Variants in RXRA observed in about 807,000 individuals in gnomAD.
RXRA encodes the protein retinoid X receptor alpha.
RXRA carries 5 observed loss-of-function variants against 44.5 expected under a neutral mutation model. That is an observed-to-expected ratio of 0.11 (90% CI 0.06 to 0.24). The LOEUF (loss-of-function observed/expected upper bound fraction) is 0.24. Ranked by LOEUF, RXRA falls within the 10% of genes least tolerant of loss-of-function variation. RXRA has a pLI of 1.00. For synonymous variants in RXRA, 291 were observed against 271.4 expected, an observed-to-expected ratio of 1.07 and a Z score of -0.71; for missense variants, 412 against 646.5, an observed-to-expected ratio of 0.64 and a Z score of 3.93.
At chr9:134,352,868 G>A (rs966218423) in intron 1 of RXRA, among the ~76,000 whole-genome samples, 1 of 152,194 alleles carries the variant, frequency 6.6e-6, no homozygotes, top group Non-Finnish European at 1.5e-5. Context: ...CAGGAGCCCT[G>A]GAGACATGGG....
intron 1 of RXRA, among the ~76,000 whole-genome samples, chr9:134,374,536 C>T (rs1012116570): frequency 2.6e-5 from 4 of 152,130 alleles, no homozygotes; most frequent in Non-Finnish European, 4.4e-5. Flanking sequence ...TTGAGGGAGG[C>T]CCCCGGGGCA....
chr9:134,436,754 C>T lies in RXRA; in HGVS notation c.*140C>T. Reference sequence around the variant, plus strand: ...TGGGGCACAGCCTGTCACTGCTCTGCCTAAGAGATGTGTTGTCACCCTCCT... The same window carrying T: ...TGGGGCACAGCCTGTCACTGCTCTGTCTAAGAGATGTGTTGTCACCCTCCT... On this transcript the variant is annotated 3_prime_UTR_variant, in exon 10 of 10. Transcript: ENST00000481739. The T allele has an allele frequency of 1.1e-6, 1 of 883,760 alleles. No homozygotes were observed. Among genetic ancestry groups the T allele is most frequent in the Non-Finnish European group, 1.7e-6 (1 of 580,958 alleles). 54.7% of individuals were successfully genotyped at this position (883,760 alleles called of 1,614,324 possible).
At chr9:134,357,468 G>T (rs1056583757) in intron 1 of RXRA, among the ~76,000 whole-genome samples, 2 of 152,150 alleles carry the variant, frequency 1.3e-5, no homozygotes, top group Non-Finnish European at 2.9e-5. Flanking sequence ...TGTGCAGGGG[G>T]TTGGGGGATG....
chr9:134,425,404 C>T lies in RXRA; in HGVS notation c.910+3599C>T, dbSNP rs994724818. The T allele has an allele frequency of 7.1e-6, 7 of 985,128 alleles. No individual in the cohort carries two copies. In the African/African-American group the frequency reaches 1.0e-4, roughly 15 times the overall value. 61.0% of individuals were successfully genotyped at this position (985,128 alleles called of 1,614,324 possible). ...AACTGAGACAGGGCCGGGTCGCTCA[C>T]AGCTTTCAGGTTTCTCCGTCCAACC... On this transcript the variant is annotated intron_variant, in intron 6 of 9. Transcript: ENST00000481739.
intron 1 of RXRA, among the ~76,000 whole-genome samples, chr9:134,353,432 A>G (rs559228240): frequency 3.2e-4 from 49 of 152,208 alleles, no homozygotes; most frequent in African/African-American, 1.2e-3. Flanking sequence ...ATGCATGTAC[A>G]CCGCACGTGT....
chr9:134,355,641 C>T (rs1387837724), intron 1 of RXRA, among the ~76,000 whole-genome samples: 20 of 152,172 alleles, frequency 1.3e-4, no homozygotes, highest in African/African-American at 4.8e-4. Context: ...AAGCTGCCCT[C>T]TGCAGCCAGG....
At chr9:134,360,406 T>A (rs1169344596) in intron 1 of RXRA, among the ~76,000 whole-genome samples, 1 of 152,184 alleles carries the variant, frequency 6.6e-6, no homozygotes, top group Non-Finnish European at 1.5e-5. Context: ...CCTGGAGTTC[T>A]GGGTTCGAGC....
At chr9:134,363,540 G>T (rs1049955556) in intron 1 of RXRA, among the ~76,000 whole-genome samples, 3 of 152,252 alleles carry the variant, frequency 2.0e-5, no homozygotes. Flanking sequence ...GTTTGCTTCT[G>T]TCCTGTTTCT....
intron 2 of RXRA, among the ~76,000 whole-genome samples, chr9:134,406,811 G>C (rs1278873905): frequency 6.6e-6 from 1 of 152,266 alleles, no homozygotes; most frequent in Non-Finnish European, 1.5e-5. Flanking sequence ...CCCATGCAGG[G>C]AGTGTCAAGT....
intron 2 of RXRA, 126 bp from the exon 3 acceptor site, chr9:134,408,023 T>C: frequency 3.0e-6 from 2 of 658,694 alleles, no homozygotes; most frequent in Non-Finnish European, 5.0e-6. Flanking sequence ...GGCACGGCCC[T>C]CTCTAGCCTC....
chr9:134,416,001 T>G (rs1328139123), intron 4 of RXRA, among the ~76,000 whole-genome samples: 1 of 151,954 alleles, frequency 6.6e-6, no homozygotes, highest in East Asian at 1.9e-4. Flanking sequence ...GTGTTGGGGT[T>G]GTTGGGTGGT....
rs140949428 is a variant in RXRA at position 134,356,937 on chromosome 9, G to A, written c.28+30278G>A. Among the ~76,000 whole-genome samples the A allele has an allele frequency of 8.9e-3, 1,350 of 152,312 alleles. 8 individuals are homozygous for A. The highest frequency in any genetic ancestry group is 0.015 in the Non-Finnish European group (999 of 68,002). On this transcript the variant is annotated intron_variant, in intron 1 of 9. Transcript: ENST00000481739. Reference sequence around the variant, plus strand: ...CCCTGCCTGTCTCCCAGCCTCAGCAGCCCTGGAGGTGGCCCAAGGCCCATG... The same window carrying A: ...CCCTGCCTGTCTCCCAGCCTCAGCAACCCTGGAGGTGGCCCAAGGCCCATG...
chr9:134,424,894 C>T lies in RXRA; in HGVS notation c.910+3089C>T, dbSNP rs533925178. On this transcript the variant is annotated intron_variant, in intron 6 of 9. Transcript: ENST00000481739. ...GGAGGCAGTGGCAGAGGTGAGGCCC[C>T]GCCCAGCTCCGGCAGGTGCCAGGGC... 157 of 985,360 alleles carry T rather than the reference C, an allele frequency of 1.6e-4. 3 individuals are homozygous for T. In the South Asian group the frequency reaches 4.8e-3, roughly 30 times the overall value. The allele number at this position is 985,360 out of a possible 1,614,324, so 61.0% of individuals were successfully genotyped here.
chr9:134,388,196 T>C (rs566011525), intron 1 of RXRA, among the ~76,000 whole-genome samples: 1 of 152,088 alleles, frequency 6.6e-6, no homozygotes, highest in Admixed American at 6.5e-5. Context: ...GCTGTTAGAC[T>C]GTGCACTTCC....
chr9:134,346,337 G>A (rs1239981714), intron 1 of RXRA, among the ~76,000 whole-genome samples: 1 of 152,136 alleles, frequency 6.6e-6, no homozygotes, highest in Non-Finnish European at 1.5e-5. Flanking sequence ...CTTTGCACTT[G>A]CTGTCCCCTC....
At chr9:134,435,070 C>T (rs1362524889) in intron 9 of RXRA, among the ~76,000 whole-genome samples, 1 of 152,244 alleles carries the variant, frequency 6.6e-6, no homozygotes. Context: ...CCCATCTCGC[C>T]AGCTCAGCAG....
At position 134,436,684 on chromosome 9, in the gene RXRA, C is replaced by G; in HGVS notation, c.*70C>G. 1 of 1,578,184 alleles carries G rather than the reference C, an allele frequency of 6.3e-7. No homozygotes were observed. Among genetic ancestry groups the G allele is most frequent in the Non-Finnish European group, 8.7e-7 (1 of 1,154,976 alleles). On this transcript the variant is annotated 3_prime_UTR_variant, in exon 10 of 10. Coordinates refer to ENST00000481739, the MANE Select transcript of RXRA (RefSeq NM_002957.6). ...CCTGGACGCCAGCTGTTCTTCTCAG[C>G]CTGAGCCCTGTCCCTGCCCTTCTCT...
At chr9:134,357,227 C>T (rs372415495) in intron 1 of RXRA, among the ~76,000 whole-genome samples, 42 of 152,204 alleles carry the variant, frequency 2.8e-4, no homozygotes, top group African/African-American at 8.4e-4. Flanking sequence ...AGGTTTGGCT[C>T]CTGCCCCGGG....
At position 134,342,645 on chromosome 9, in the gene RXRA, C is replaced by T. The variant is rs1400059019; in HGVS notation, c.28+15986C>T. On this transcript the variant is annotated intron_variant, in intron 1 of 9. Transcript: ENST00000481739. The surrounding 1 kb of genome is among the most constrained non-coding windows in gnomAD (Gnocchi z 4.4). The stretch of plus-strand genomic sequence containing the variant: ...GGCAGGTGGTGGGGCTGCGGGGCTG[C>T]GGGAGGAGGCCCCTGTGGTTCCCAC... 6.6e-6 allele frequency among the ~76,000 whole-genome samples: 1 copy of T among 152,022 alleles called. No individual in the cohort carries two copies. The highest frequency in any genetic ancestry group is 2.4e-5 in the African/African-American group (1 of 41,386).
Sources: gnomAD v4.1 joint callset for allele counts (sites outside exome capture counted in the v4.1 genomes callset) on GRCh38, gnomAD v4.1.1 for gene constraint, Gnocchi (gnomAD v3.1) non-coding constraint, MANE v1.5 for transcripts, NCBI Gene and HGNC (gene_info 2026-07-23, HGNC 2026-07-21) for gene names.